GOT2: variants seen among roughly 807,000 people sequenced by gnomAD.
The protein encoded by GOT2 is glutamic-oxaloacetic transaminase 2.
In GOT2, 17 loss-of-function variants were observed where a neutral mutation model predicts 50.0. That is an observed-to-expected ratio of 0.34 (90% CI 0.23 to 0.51). GOT2 has a LOEUF of 0.51. GOT2 is among the 20% of genes least tolerant of loss of function. The pLI, the probability that GOT2 is intolerant of heterozygous loss-of-function variation, is 0.97. For synonymous variants in GOT2, 172 were observed against 204.9 expected, an observed-to-expected ratio of 0.84 and a Z score of 1.37; for missense variants, 430 against 559.6, an observed-to-expected ratio of 0.77 and a Z score of 2.34.
At chr16:58,714,097 A>T (rs2044670835) in intron 8 of GOT2, among the ~76,000 whole-genome samples, 1 of 151,908 alleles carries the variant, frequency 6.6e-6, no homozygotes, top group African/African-American at 2.4e-5. Context: ...ATAGAGACAC[A>T]GTCTTGCTAT....
chr16:58,722,345 A>C (rs556107853), intron 2 of GOT2, 67 bp from the exon 3 acceptor site: 166 of 1,490,794 alleles, frequency 1.1e-4, no homozygotes, highest in Non-Finnish European at 1.5e-4. Context: ...ATTAATGTTT[A>C]AAGTTTTATA....
At position 58,718,678 on chromosome 16, in the gene GOT2, A is replaced by T. The variant is rs1214952147; in HGVS notation, c.446T>A (p.Phe149Tyr). The change falls in exon 5 of 10, where the codon TTT becomes TAT. Residue 149 changes from phenylalanine to tyrosine, a missense_variant. Coordinates refer to ENST00000245206, the MANE Select transcript of GOT2 (RefSeq NM_002080.4). The part of the protein sequence containing the change: ...RIGASFLQRF[F>Y]KFSRDVFLPK... ...CAGAAAGACATCTCGGCTGAACTTA[A>T]AAAATCTTTGCTAAAAGATGGGACG... 3.2e-6 allele frequency: 5 copies of T among 1,562,818 alleles called. No homozygotes were observed. Among genetic ancestry groups the T allele is most frequent in the Middle Eastern group, 3.4e-4 (2 of 5,820 alleles).
chr16:58,723,767 G>A lies in GOT2; in HGVS notation c.225C>T (p.Tyr75=), dbSNP rs780937861. The change falls in exon 2 of 10, where the codon TAC becomes TAT. Residue 75 remains tyrosine, a synonymous_variant. Transcript: ENST00000245206. ...TCACCTTGCGGACGCTAGGCAGAACGTAAGGCTTTCCATTATCATCCCGGT... is the reference window on the plus strand; with the variant it reads ...TCACCTTGCGGACGCTAGGCAGAACATAAGGCTTTCCATTATCATCCCGGT... ...GAYRDDNGKP[Y]VLPSVRKAEA... The A allele has an allele frequency of 8.1e-6, 13 of 1,612,962 alleles. No individual in the cohort carries two copies. Among genetic ancestry groups the A allele is most frequent in the Middle Eastern group, 1.7e-4 (1 of 6,054 alleles).
intron 9 of GOT2, 151 bp downstream of exon 9, chr16:58,709,266 A>C: frequency 1.5e-6 from 1 of 685,496 alleles, no homozygotes; most frequent in Non-Finnish European, 2.2e-6. Context: ...GTCTCAAAAC[A>C]AAAACAAAAA....
intron 1 of GOT2, among the ~76,000 whole-genome samples, chr16:58,729,998 T>G (rs903929022): frequency 6.6e-6 from 1 of 152,186 alleles, no homozygotes; most frequent in African/African-American, 2.4e-5. Context: ...AAGTACAGAT[T>G]AAAGAACACA....
At chr16:58,713,922 C>T (rs28497727) in intron 8 of GOT2, among the ~76,000 whole-genome samples, 8,506 of 152,208 alleles carry the variant, frequency 0.056, 496 homozygotes, top group African/African-American at 0.16. Flanking sequence ...ATGGGTACAG[C>T]TGTGTTCCAA....
intron 8 of GOT2, 90 bp downstream of exon 8, chr16:58,715,924 C>T: frequency 1.0e-6 from 1 of 980,670 alleles, no homozygotes. Flanking sequence ...CTATGGGGTA[C>T]TGTATATCAC....
chr16:58,711,893 G>GTA (rs2044651527), intron 8 of GOT2, among the ~76,000 whole-genome samples: 1 of 152,102 alleles, frequency 6.6e-6, no homozygotes, highest in African/African-American at 2.4e-5. Context: ...ACTTCTTACA[G>GTA]TATCAACCAG....
intron 1 of GOT2, among the ~76,000 whole-genome samples, chr16:58,724,867 T>A (rs1473317836): frequency 6.6e-6 from 1 of 152,036 alleles, no homozygotes; most frequent in Non-Finnish European, 1.5e-5. Context: ...CACACATTAT[T>A]TAGATTTCCT....
In GOT2 at chr16:58,718,276, G is replaced by T; in HGVS notation, c.622C>A (p.Leu208Ile). ...ISKIPEQSVL[L>I]LHACAHNPTG... ...GGATTGTGGGCGCAGGCATGCAGAA[G>T]AAGAACACTCTGCTCTGGTATTTTC... The change falls in exon 6 of 10, where the codon CTT (leucine) becomes ATT (isoleucine). Residue 208 changes from leucine (L) to isoleucine (I), a missense_variant. Transcript: ENST00000245206. The T allele has an allele frequency of 6.2e-7, 1 of 1,613,628 alleles. No individual in the cohort carries two copies. The highest frequency in any genetic ancestry group is 8.5e-7 in the Non-Finnish European group (1 of 1,179,510).
At chr16:58,731,146 T>G (rs1219007687) in intron 1 of GOT2, among the ~76,000 whole-genome samples, 3 of 152,170 alleles carry the variant, frequency 2.0e-5, no homozygotes, top group Non-Finnish European at 4.4e-5. Flanking sequence ...GTGATCTTTT[T>G]TTTTTGAGAC....
intron 2 of GOT2, 75 bp from the exon 3 acceptor site, chr16:58,722,353 A>G (rs2044747706): frequency 3.4e-6 from 5 of 1,463,558 alleles, no homozygotes; most frequent in Non-Finnish European, 4.7e-6. Flanking sequence ...TTAAAGTTTT[A>G]TAAGTTAAGT....
chr16:58,716,856 A>G (rs775413185), intron 6 of GOT2, 43 bp from the exon 7 acceptor site: 55 of 1,580,584 alleles, frequency 3.5e-5, no homozygotes, highest in Non-Finnish European at 4.6e-5. Context: ...GTCTTTCTGA[A>G]GAGGCCCCAG....
At chr16:58,729,498 G>GAAA (rs35946557) in intron 1 of GOT2, among the ~76,000 whole-genome samples, 1 of 94,404 alleles carries the variant, frequency 1.1e-5, no homozygotes, top group East Asian at 3.2e-4. Context: ...GTCTCAGGAA[G>GAAA]AAAAAAAAAA....
At chr16:58,728,784 G>A (rs1021331762) in intron 1 of GOT2, among the ~76,000 whole-genome samples, 4 of 152,080 alleles carry the variant, frequency 2.6e-5, no homozygotes, top group African/African-American at 4.8e-5. Flanking sequence ...GGGTTCAAGC[G>A]ATTCTCCTGC....
At chr16:58,718,478 G>T (rs369496798) in intron 5 of GOT2, 49 bp downstream of exon 5, 7 of 1,507,992 alleles carry the variant, frequency 4.6e-6, no homozygotes, top group Non-Finnish European at 6.3e-6. Context: ...TCAAATGTCC[G>T]CAAGCAAGGA....
At chr16:58,714,900 C>T (rs187658829) in intron 8 of GOT2, among the ~76,000 whole-genome samples, 20 of 152,080 alleles carry the variant, frequency 1.3e-4, no homozygotes, top group East Asian at 3.9e-4. Context: ...TTGTCTCAAA[C>T]GATCTTTCCA....
Position 58,709,318 on chromosome 16 carries a change from G to C in GOT2, c.1170+99C>G, listed in dbSNP as rs8044891. ...CAAAACAAAACAAAACAAAAAACCC[G>C]AAAACATTAAATAAAAAAGAAAAAA... On this transcript the variant is annotated intron_variant, in intron 9 of 9. Transcript: ENST00000245206. 3 of 1,046,878 alleles carry C rather than the reference G, an allele frequency of 2.9e-6. No homozygotes were observed. The African/African-American group carries it at 4.9e-5, about 17-fold the overall frequency. 64.8% of individuals were successfully genotyped at this position (1,046,878 alleles called of 1,614,324 possible).
chr16:58,728,709 C>T (rs567521814), intron 1 of GOT2, among the ~76,000 whole-genome samples: 6 of 152,272 alleles, frequency 3.9e-5, no homozygotes, highest in African/African-American at 1.4e-4. Flanking sequence ...GAGACAGAGT[C>T]TCACTGGGTT....
Sources: gnomAD v4.1 joint callset for allele counts (sites outside exome capture counted in the v4.1 genomes callset) on GRCh38, gnomAD v4.1.1 for gene constraint, MANE v1.5 for transcripts, NCBI Gene and HGNC (gene_info 2026-07-23, HGNC 2026-07-21) for gene names.